Variants in GALNT13 observed in about 807,000 individuals in gnomAD.
The protein encoded by GALNT13 is UDP-GalNAc:polypeptide N-acetylgalactosaminyltransferase 13.
Under a neutral mutation model 64.2 loss-of-function variants are expected in GALNT13, and 28 were observed. That is an observed-to-expected ratio of 0.44 (90% CI 0.32 to 0.60). The LOEUF (loss-of-function observed/expected upper bound fraction) is 0.60. Ranked by LOEUF, GALNT13 falls within the 20% of genes least tolerant of loss-of-function variation. The pLI is 0.05. For synonymous variants in GALNT13, 214 were observed against 224.6 expected, an observed-to-expected ratio of 0.95 and a Z score of 0.42; for missense variants, 577 against 669.8, an observed-to-expected ratio of 0.86 and a Z score of 1.53.
At chr2:153,478,890 G>T in the GALNT13 span, 1 of 327,282 alleles carries the variant, frequency 3.1e-6, no homozygotes, top group Non-Finnish European at 5.6e-6. Context: ...GCAGCGGCGG[G>T]GTGGCTGCGC....
chr2:153,918,888 T>G (rs72863696), intron 2 of GALNT13, among the ~76,000 whole-genome samples: 519 of 152,144 alleles, frequency 3.4e-3, no homozygotes, highest in Middle Eastern at 0.02. Flanking sequence ...GTCTCCAAGA[T>G]TTTTCAATAT....
chr2:154,446,758 T>C, intron 12 of GALNT13: 1 of 1,514,346 alleles, frequency 6.6e-7, no homozygotes. Context: ...CTCTAATGAT[T>C]TTTGGAGGTT....
At chr2:153,088,909 G>C in the GALNT13 span, among the ~76,000 whole-genome samples, 6 of 152,044 alleles carry the variant, frequency 3.9e-5, no homozygotes, top group Non-Finnish European at 7.4e-5. Flanking sequence ...CTTGTAGGTG[G>C]ATTTTTATCC....
At chr2:153,508,539 A>G in the GALNT13 span, among the ~76,000 whole-genome samples, 1 of 152,132 alleles carries the variant, frequency 6.6e-6, no homozygotes, top group African/African-American at 2.4e-5. Context: ...CATGCAGCCC[A>G]CAGTCCTAAA....
At chr2:153,741,918 T>A in the GALNT13 span, among the ~76,000 whole-genome samples, 1 of 152,284 alleles carries the variant, frequency 6.6e-6, no homozygotes, top group African/African-American at 2.4e-5. Context: ...AAATGTAATC[T>A]GGAATAATTA....
the GALNT13 span, among the ~76,000 whole-genome samples, chr2:153,154,970 A>C: frequency 2.0e-5 from 3 of 152,282 alleles, no homozygotes; most frequent in South Asian, 4.1e-4. Flanking sequence ...CCTTTTCTGC[A>C]TCTATTGAGA....
At chr2:153,241,649 G>A in the GALNT13 span, among the ~76,000 whole-genome samples, 1 of 122,872 alleles carries the variant, frequency 8.1e-6, no homozygotes, top group Non-Finnish European at 1.9e-5. Context: ...GCCAAGTTCT[G>A]TGTGTGTATG....
chr2:153,573,989 TTAAAG>T, the GALNT13 span, among the ~76,000 whole-genome samples: 15 of 152,198 alleles, frequency 9.9e-5, no homozygotes, highest in African/African-American at 3.4e-4. Flanking sequence ...TTCTGTCTGA[TTAAAG>T]TACTCCCTTT....
At chr2:153,499,967 C>T in the GALNT13 span, among the ~76,000 whole-genome samples, 3 of 152,108 alleles carry the variant, frequency 2.0e-5, no homozygotes, top group African/African-American at 7.2e-5. Flanking sequence ...AGCTCTCCCG[C>T]CTGCTGCTTG....
chr2:154,213,746 T>C (rs763944758), intron 4 of GALNT13, among the ~76,000 whole-genome samples: 1 of 152,180 alleles, frequency 6.6e-6, no homozygotes, highest in East Asian at 1.9e-4. Context: ...ATCATGTTTT[T>C]ATAACAAGAT....
chr2:153,829,426 AAG>A, the GALNT13 span, among the ~76,000 whole-genome samples: 1 of 151,702 alleles, frequency 6.6e-6, no homozygotes, highest in Admixed American at 6.6e-5. Context: ...GCAGCAGGCA[AAG>A]AGAGAGAGAG....
At chr2:153,217,729 CT>C in the GALNT13 span, among the ~76,000 whole-genome samples, 3 of 148,370 alleles carry the variant, frequency 2.0e-5, no homozygotes, top group East Asian at 5.8e-4. Context: ...ATGTTTCCCC[CT>C]GTTTCTCTTA....
chr2:154,162,068 AC>A (rs1684763785), intron 4 of GALNT13, among the ~76,000 whole-genome samples: 1 of 152,194 alleles, frequency 6.6e-6, no homozygotes, highest in Non-Finnish European at 1.5e-5. Context: ...GGCTTGAGCC[AC>A]CGTGCCAGGC....
At chr2:154,211,783 A>G (rs16836226) in intron 4 of GALNT13, among the ~76,000 whole-genome samples, 19,892 of 152,106 alleles carry the variant, frequency 0.13, 1,545 homozygotes, top group East Asian at 0.35. Context: ...TGTAAATGGC[A>G]TTTAAAGTTA....
intron 1 of GALNT13, among the ~76,000 whole-genome samples, chr2:153,890,679 G>C (rs1165575194): frequency 6.6e-6 from 1 of 152,044 alleles, no homozygotes; most frequent in African/African-American, 2.4e-5. Context: ...AAACAGAAGA[G>C]AAAACAAAAG....
the GALNT13 span, among the ~76,000 whole-genome samples, chr2:153,212,828 T>C: frequency 6.6e-6 from 1 of 152,184 alleles, no homozygotes; most frequent in Non-Finnish European, 1.5e-5. Context: ...TTTATTTAGA[T>C]AGAAATTACT....
the GALNT13 span, among the ~76,000 whole-genome samples, chr2:153,527,546 A>T: frequency 6.2e-4 from 94 of 152,298 alleles, no homozygotes; most frequent in African/African-American, 2.1e-3. Context: ...TTGATCAGAA[A>T]GAGAAGGATG....
the GALNT13 span, among the ~76,000 whole-genome samples, chr2:153,532,142 G>C: frequency 6.6e-6 from 1 of 152,084 alleles, no homozygotes; most frequent in Non-Finnish European, 1.5e-5. Flanking sequence ...CCCTAGTAGA[G>C]GTTCTCTGTG....
the GALNT13 span, among the ~76,000 whole-genome samples, chr2:153,465,930 G>C: frequency 1.3e-5 from 2 of 151,960 alleles, no homozygotes; most frequent in African/African-American, 4.8e-5. Context: ...CCTAACTCAG[G>C]GTGGGCTTTC....
Sources: allele counts gnomAD v4.1 joint callset (sites outside exome capture counted in the v4.1 genomes callset), GRCh38; gene constraint gnomAD v4.1.1; transcripts MANE v1.5; gene names NCBI Gene and HGNC (gene_info 2026-07-23, HGNC 2026-07-21).